The following NPC1 variants were observed in gnomAD, a reference collection of about 807,000 sequenced individuals.
The protein encoded by NPC1 is Niemann-Pick C1 protein.
Under a neutral mutation model 140.4 loss-of-function variants are expected in NPC1, and 85 were observed. That is an observed-to-expected ratio of 0.61 (90% confidence interval 0.51 to 0.72). The LOEUF is 0.72. Among genes scored for constraint, NPC1 ranks in the 30% least tolerant of loss-of-function variants. The pLI is 0.00. For missense variants in NPC1, 1,504 were observed against 1,623.8 expected (o/e 0.93, Z 1.27); for synonymous variants, 656 against 624.8 (o/e 1.05, Z -0.74).
intron 1 of NPC1, chr18:23,576,601 G>T: frequency 2.1e-6 from 1 of 485,846 alleles, no homozygotes; most frequent in Non-Finnish European, 2.7e-6. Flanking sequence ...CTGGCGGTGA[G>T]CGTTACAGCT....
Position 23,545,115 on chromosome 18 carries a change from T to G in NPC1, c.1792A>C (p.Asn598His), listed in dbSNP as rs1253283198. 6.2e-7 allele frequency: 1 copy of G among 1,613,500 alleles called. No individual in the cohort carries two copies. Among genetic ancestry groups the G allele is most frequent in the East Asian group, 2.2e-5 (1 of 44,882 alleles). The change falls in exon 12 of 25, where the codon AAT (asparagine) becomes CAT (histidine). Residue 598 changes from asparagine (N) to histidine (H), a missense_variant. Physicochemically the swap from Asn to His is moderately conservative, Grantham distance 68. Coordinates refer to ENST00000269228, the MANE Select transcript of NPC1 (RefSeq NM_000271.5). Reference sequence around the variant, plus strand: ...TCAGCAGTGAAGGAAATGGTCAGATTGGGATTCTTGTAGTTTTTCACAAAA... The same window carrying G: ...TCAGCAGTGAAGGAAATGGTCAGATGGGGATTCTTGTAGTTTTTCACAAAA... Reference protein sequence around the residue: ...INFVKNYKNPNLTISFTAERS... With the variant: ...INFVKNYKNPHLTISFTAERS...
chr18:23,516,174 G>C, intron 3 of NPC1: 1 of 1,284,370 alleles, frequency 7.8e-7, no homozygotes, highest in South Asian at 1.3e-5. Flanking sequence ...TCTATGCTGG[G>C]CAGACAGGCT....
chr18:23,540,547 CA>C lies in NPC1; in HGVS notation c.2515-11del. 1 of 1,582,862 alleles carries C rather than the reference CA, an allele frequency of 6.3e-7. No homozygotes were observed. The highest frequency in any genetic ancestry group is 8.7e-7 in the Non-Finnish European group (1 of 1,151,756). On this transcript the variant is annotated splice_polypyrimidine_tract_variant and intron_variant, in intron 16 of 24. Transcript: ENST00000269228. ...CCACAAATATTGCTATCTGGAACAA[CA>C]AATGAATCATAAGACAGAGACTGCT...
In NPC1 at chr18:23,531,934, C is replaced by T. The variant is rs1195000838; in HGVS notation, c.*268G>A. ...GATCACATTCACAGCCATCTAGTGT[C>T]ACCTCCTGCTTGCCAAAGAATGAGG... On this transcript the variant is annotated 3_prime_UTR_variant, in exon 25 of 25. Transcript: ENST00000269228. The T allele has an allele frequency of 1.5e-5, 21 of 1,443,970 alleles. No homozygotes were observed. Among genetic ancestry groups the T allele is most frequent in the Non-Finnish European group, 1.8e-5 (20 of 1,106,458 alleles). 89.4% of individuals were successfully genotyped at this position (1,443,970 alleles called of 1,614,324 possible).
chr18:23,570,548 T>C (rs1242632010), intron 3 of NPC1, among the ~76,000 whole-genome samples: 2 of 152,244 alleles, frequency 1.3e-5, no homozygotes, highest in East Asian at 3.8e-4. Flanking sequence ...AGAAGCAGAA[T>C]TTCTTCACTG....
At chr18:23,539,329 G>A in intron 19 of NPC1, 26 bp downstream of exon 19, 1 of 1,541,402 alleles carries the variant, frequency 6.5e-7, no homozygotes, top group Non-Finnish European at 9.0e-7. Context: ...AGCAAAACAG[G>A]AAAGATTTGG....
At chr18:23,513,307 C>G (rs543621684) in intron 3 of NPC1, among the ~76,000 whole-genome samples, 2 of 152,352 alleles carry the variant, frequency 1.3e-5, no homozygotes, top group Non-Finnish European at 2.9e-5. Context: ...GTATTTGTCC[C>G]TTTGTGACTG....
In NPC1 at chr18:23,532,131, A is replaced by T; in HGVS notation, c.*71T>A. The T allele has an allele frequency of 6.2e-7, 1 of 1,614,038 alleles. No individual in the cohort carries two copies. Among genetic ancestry groups the T allele is most frequent in the Non-Finnish European group, 8.5e-7 (1 of 1,179,990 alleles). The stretch of plus-strand genomic sequence containing the variant: ...TCCGGTGTTCAACTTGGCCTTGCCG[A>T]TGCAGCACCCGTCCAGTGGTAAACC... On this transcript the variant is annotated 3_prime_UTR_variant, in exon 25 of 25. Transcript: ENST00000269228.
chr18:23,515,080 G>C (rs2057964258), intron 3 of NPC1, among the ~76,000 whole-genome samples: 1 of 152,162 alleles, frequency 6.6e-6, no homozygotes, highest in Non-Finnish European at 1.5e-5. Flanking sequence ...GCAGAAGGCA[G>C]ATCTGCCATG....
intron 3 of NPC1, among the ~76,000 whole-genome samples, chr18:23,515,633 A>G (rs1376537217): frequency 6.6e-6 from 1 of 152,158 alleles, no homozygotes; most frequent in East Asian, 1.9e-4. Context: ...GGTTCATTCA[A>G]GCAATTCTTG....
chr18:23,540,136 A>C (rs566908143), intron 17 of NPC1, 135 bp from the exon 18 acceptor site: 16 of 779,074 alleles, frequency 2.1e-5, no homozygotes, highest in East Asian at 1.3e-4. Context: ...ATGATTCCTA[A>C]CACCACCAGT....
chr18:23,531,073 C>T (rs2058487662), downstream of NPC1, among the ~76,000 whole-genome samples: 1 of 152,076 alleles, frequency 6.6e-6, no homozygotes, highest in Non-Finnish European at 1.5e-5. Flanking sequence ...CGGTTCACTG[C>T]AACCTCCGCT....
At chr18:23,524,275 C>G in intron 1 of NPC1, 1 of 1,510,000 alleles carries the variant, frequency 6.6e-7, no homozygotes, top group Non-Finnish European at 9.2e-7. Flanking sequence ...AATAACACTC[C>G]GAGAGCCACC....
rs527893196 is a variant in NPC1 at position 23,555,333 on chromosome 18, T to C, written c.1327-349A>G. 2.6e-5 allele frequency among the ~76,000 whole-genome samples: 4 copies of C among 152,392 alleles called. No homozygotes were observed. The South Asian group carries it at 8.3e-4, about 32-fold the overall frequency. ...AGTGGAGGGGGACTCCTGGTCTCCCTGACCCTCCTCTCAATAGTAACACAT... is the reference window on the plus strand; with the variant it reads ...AGTGGAGGGGGACTCCTGGTCTCCCCGACCCTCCTCTCAATAGTAACACAT... On this transcript the variant is annotated intron_variant, in intron 8 of 24. Transcript: ENST00000269228.
chr18:23,508,110 G>A (rs1170872641), intron 3 of NPC1: 15 of 1,408,886 alleles, frequency 1.1e-5, no homozygotes, highest in African/African-American at 1.5e-5. Context: ...AGTGGAGAGC[G>A]GGGCATTGGG....
At chr18:23,550,049 T>TCG (rs2058846557) in intron 10 of NPC1, among the ~76,000 whole-genome samples, 2 of 151,516 alleles carry the variant, frequency 1.3e-5, no homozygotes, top group South Asian at 2.1e-4. Context: ...AAGGTCTCGC[T>TCG]CTGTCACCCA....
In NPC1 at chr18:23,534,506, C is replaced by T. The variant is rs758582034; in HGVS notation, c.3531G>A (p.Val1177=). ...GCTCCACGCGGCTGCCTTTCATGCT[C>T]ACCGTGAACGCTCTGGTTATGTGGC... ...FCSHITRAFT[V]SMKGSRVERA... Residue 1177 remains valine, a synonymous_variant, in exon 23 of 25, where the codon GTG becomes GTA. Transcript: ENST00000269228. The T allele has an allele frequency of 5.0e-6, 8 of 1,614,156 alleles. No homozygotes were observed. Among genetic ancestry groups the T allele is most frequent in the East Asian group, 2.2e-5 (1 of 44,886 alleles).
At chr18:23,548,239 A>G (rs1439007563) in intron 10 of NPC1, 131 bp from the exon 11 acceptor site, 10 of 706,544 alleles carry the variant, frequency 1.4e-5, no homozygotes, top group Non-Finnish European at 2.3e-5. Context: ...TCTAAGAATT[A>G]AACAAGAGTT....
chr18:23,532,255 C>CT lies in NPC1; in HGVS notation c.3783_3784insA (p.Ala1262SerfsTer3), dbSNP rs746643157. 1 of 1,614,142 alleles carries CT rather than the reference C, an allele frequency of 6.2e-7. No homozygotes were observed. The highest frequency in any genetic ancestry group is 1.1e-5 in the South Asian group (1 of 91,080). ...GTTCCTTTGTATCGCTCTTCAGTGG[C>CT]ACAACTTTTGGCTTTATTTACTGAT... On this transcript the variant is annotated frameshift_variant, in exon 25 of 25. Coordinates refer to ENST00000269228, the MANE Select transcript of NPC1 (RefSeq NM_000271.5). LOFTEE classifies it high-confidence loss of function.
Sources: allele counts gnomAD v4.1 joint callset (sites outside exome capture counted in the v4.1 genomes callset), GRCh38; gene constraint gnomAD v4.1.1; transcripts MANE v1.5; gene names NCBI Gene and HGNC (gene_info 2026-07-23, HGNC 2026-07-21).